SLC26A7: variants seen among roughly 807,000 people sequenced by gnomAD.
The protein encoded by SLC26A7 is solute carrier family 26 member 7.
SLC26A7 carries 59 observed loss-of-function variants against 82.5 expected under a neutral mutation model. The ratio of observed to expected loss-of-function variants is 0.72; its 90% CI spans 0.58 to 0.89. SLC26A7 has a LOEUF of 0.89. SLC26A7 is among the 40% of genes least tolerant of loss of function. SLC26A7 has a pLI of 0.00. For synonymous variants in SLC26A7, 271 were observed against 274.3 expected (o/e 0.99, Z 0.12); for missense variants, 820 against 793.0 (o/e 1.03, Z -0.41).
intron 2 of SLC26A7, among the ~76,000 whole-genome samples, chr8:91,234,693 A>G (rs1195225335): frequency 6.6e-6 from 1 of 152,156 alleles, no homozygotes; most frequent in Non-Finnish European, 1.5e-5. Context: ...ATTGAAAATA[A>G]TCTTCTCATT....
chr8:91,377,921 T>A (rs1260936878), intron 15 of SLC26A7, among the ~76,000 whole-genome samples: 1 of 152,158 alleles, frequency 6.6e-6, no homozygotes, highest in Admixed American at 6.5e-5. Context: ...CCAAAAACTT[T>A]GACGTAGTTT....
At chr8:91,370,937 T>C (rs896600692) in intron 15 of SLC26A7, among the ~76,000 whole-genome samples, 2 of 151,900 alleles carry the variant, frequency 1.3e-5, no homozygotes, top group African/African-American at 2.4e-5. Flanking sequence ...GTGATTTTTA[T>C]TGGAAATCTT....
chr8:91,336,588 A>T (rs895813702), intron 6 of SLC26A7, among the ~76,000 whole-genome samples: 2 of 151,952 alleles, frequency 1.3e-5, no homozygotes, highest in African/African-American at 2.4e-5. Flanking sequence ...AAGGTTGGGG[A>T]CTGCTGCTCT....
chr8:91,390,710 G>A (rs577585757), intron 16 of SLC26A7, among the ~76,000 whole-genome samples: 2 of 151,894 alleles, frequency 1.3e-5, no homozygotes, highest in South Asian at 4.2e-4. Flanking sequence ...CCTCACCATT[G>A]ATCTCTCCCT....
In SLC26A7 at chr8:91,218,646, A is replaced by G. The variant is rs80017193; in HGVS notation, c.-149-244A>G. 7.3e-3 allele frequency among the ~76,000 whole-genome samples: 1,115 copies of G among 152,232 alleles called. 14 individuals are homozygous for G. Among genetic ancestry groups the G allele is most frequent in the African/African-American group, 0.026 (1,086 of 41,542 alleles). Reference sequence around the variant, plus strand: ...CACTTTATGGTTAGACTACATAATGATATGTTTGAATAAAAGCACACATAA... The same window carrying G: ...CACTTTATGGTTAGACTACATAATGGTATGTTTGAATAAAAGCACACATAA... On this transcript the variant is annotated intron_variant, in intron 1 of 5. Coordinates refer to the SLC26A7 transcript ENST00000522862.
intron 4 of SLC26A7, among the ~76,000 whole-genome samples, chr8:91,301,072 T>C (rs1203257125): frequency 6.6e-6 from 1 of 152,220 alleles, no homozygotes; most frequent in African/African-American, 2.4e-5. Flanking sequence ...CAACTTTAAA[T>C]TGCAAGAATA....
At chr8:91,392,259 A>G (rs1808426202) in intron 16 of SLC26A7, among the ~76,000 whole-genome samples, 1 of 152,162 alleles carries the variant, frequency 6.6e-6, no homozygotes, top group Non-Finnish European at 1.5e-5. Context: ...TTACAGTAAC[A>G]GCGTGATCTA....
chr8:91,339,933 T>C (rs945115130), intron 7 of SLC26A7, among the ~76,000 whole-genome samples: 3 of 152,070 alleles, frequency 2.0e-5, no homozygotes, highest in Admixed American at 6.6e-5. Context: ...AAAACATAAT[T>C]AAGATAACGA....
chr8:91,333,757 G>T (rs1243905667), intron 5 of SLC26A7, among the ~76,000 whole-genome samples: 1 of 152,134 alleles, frequency 6.6e-6, no homozygotes, highest in African/African-American at 2.4e-5. Context: ...TGGGCATGGT[G>T]CTTGGTATAA....
intron 2 of SLC26A7, among the ~76,000 whole-genome samples, chr8:91,271,505 A>G (rs1811266654): frequency 6.6e-6 from 1 of 152,072 alleles, no homozygotes; most frequent in Admixed American, 6.5e-5. Context: ...TCTGAATGCA[A>G]AGTTAGAGAT....
chr8:91,381,142 T>G (rs1814660356), intron 15 of SLC26A7, among the ~76,000 whole-genome samples: 2 of 152,148 alleles, frequency 1.3e-5, no homozygotes, highest in Admixed American at 6.5e-5. Flanking sequence ...AAAAAGAATC[T>G]CTTAATATTT....
chr8:91,280,141 A>G (rs986001945), intron 2 of SLC26A7, among the ~76,000 whole-genome samples: 2 of 152,006 alleles, frequency 1.3e-5, no homozygotes, highest in Admixed American at 6.6e-5. Context: ...TTTGTTGCCT[A>G]TGTTTTTTGG....
At chr8:91,373,959 T>C (rs1366772082) in intron 15 of SLC26A7, among the ~76,000 whole-genome samples, 1 of 151,990 alleles carries the variant, frequency 6.6e-6, no homozygotes, top group Admixed American at 6.6e-5. Flanking sequence ...CTTGGGAGGT[T>C]GTATGTTTCC....
intron 9 of SLC26A7, among the ~76,000 whole-genome samples, chr8:91,346,004 C>T (rs891114228): frequency 1.3e-5 from 2 of 152,058 alleles, no homozygotes; most frequent in African/African-American, 4.8e-5. Context: ...GTTCTGGAGG[C>T]CACACATTTG....
At chr8:91,254,584 G>A (rs968836821) in intron 2 of SLC26A7, among the ~76,000 whole-genome samples, 13 of 152,150 alleles carry the variant, frequency 8.5e-5, no homozygotes, top group African/African-American at 2.9e-4. Context: ...TTTACAATGT[G>A]TTCTGGGAAG....
intron 2 of SLC26A7, among the ~76,000 whole-genome samples, chr8:91,251,532 AC>A (rs1465766823): frequency 6.6e-6 from 1 of 152,096 alleles, no homozygotes; most frequent in Non-Finnish European, 1.5e-5. Flanking sequence ...ATTTTCTCAA[AC>A]TTTTTCATGC....
At chr8:91,264,460 G>T (rs1811053929) in intron 2 of SLC26A7, among the ~76,000 whole-genome samples, 1 of 151,954 alleles carries the variant, frequency 6.6e-6, no homozygotes, top group Non-Finnish European at 1.5e-5. Context: ...CTGCAGAATA[G>T]AAGCTAGGGA....
At chr8:91,304,380 T>C (rs1812246479) in intron 4 of SLC26A7, among the ~76,000 whole-genome samples, 1 of 152,186 alleles carries the variant, frequency 6.6e-6, no homozygotes, top group South Asian at 2.1e-4. Flanking sequence ...TTTAAAAGTG[T>C]GTGGCACTTC....
chr8:91,339,194 T>G (rs1410717815), intron 7 of SLC26A7, among the ~76,000 whole-genome samples: 2 of 152,154 alleles, frequency 1.3e-5, no homozygotes, highest in Non-Finnish European at 2.9e-5. Flanking sequence ...ACAAAGTTCT[T>G]TTACTTTGAA....
Sources: gnomAD v4.1 joint callset for allele counts (sites outside exome capture counted in the v4.1 genomes callset) on GRCh38, gnomAD v4.1.1 for gene constraint, MANE v1.5 for transcripts, NCBI Gene and HGNC (gene_info 2026-07-23, HGNC 2026-07-21) for gene names.